The following BMAL1 variants were observed in gnomAD, a reference collection of about 807,000 sequenced individuals.
BMAL1 encodes basic helix-loop-helix ARNT-like protein 1.
At chr11:13,380,189 A>C in the BMAL1 span, 2 of 152,244 alleles carry the variant, frequency 1.3e-5, no homozygotes, top group African/African-American at 4.8e-5. Flanking sequence ...TTCCGTAAGC[A>C]ATTAGCAGCC....
chr11:13,277,097 G>T, the BMAL1 span: 11 of 152,296 alleles, frequency 7.2e-5, no homozygotes, highest in African/African-American at 2.7e-4. Context: ...AGTCCTCGGG[G>T]TGGAAATGCC....
At chr11:13,333,433 C>G in the BMAL1 span, among the ~76,000 whole-genome samples, 1 of 152,204 alleles carries the variant, frequency 6.6e-6, no homozygotes, top group Non-Finnish European at 1.5e-5. Flanking sequence ...CTGCCACCAC[C>G]AGATGTGGTT....
chr11:13,338,521 T>A, the BMAL1 span, among the ~76,000 whole-genome samples: 1 of 152,238 alleles, frequency 6.6e-6, no homozygotes, highest in Non-Finnish European at 1.5e-5. Context: ...ATTCATGTCC[T>A]TGTTACTGGT....
the BMAL1 span, among the ~76,000 whole-genome samples, chr11:13,303,123 A>G: frequency 3.9e-5 from 6 of 152,222 alleles, no homozygotes; most frequent in Admixed American, 2.6e-4. Context: ...TTACAGATAA[A>G]GAAAATGAGC....
chr11:13,381,349 G>C, the BMAL1 span: 1 of 1,185,260 alleles, frequency 8.4e-7, no homozygotes, highest in East Asian at 2.3e-5. Context: ...TGCGATTGCT[G>C]AAACAATTTG....
chr11:13,352,551 G>A, the BMAL1 span, among the ~76,000 whole-genome samples: 3 of 152,138 alleles, frequency 2.0e-5, no homozygotes, highest in East Asian at 1.9e-4. Context: ...AATTATTGTC[G>A]CTTTTCTGGA....
At chr11:13,284,885 C>T in the BMAL1 span, among the ~76,000 whole-genome samples, 1 of 152,122 alleles carries the variant, frequency 6.6e-6, no homozygotes, top group African/African-American at 2.4e-5. Flanking sequence ...TCCTGTTCCT[C>T]CTCCCCAGCC....
the BMAL1 span, chr11:13,365,320 C>A: frequency 4.2e-6 from 2 of 481,412 alleles, no homozygotes; most frequent in Non-Finnish European, 7.5e-6. Flanking sequence ...CACACACACA[C>A]AATCTTACAG....
chr11:13,369,574 C>A, the BMAL1 span: 6 of 1,610,296 alleles, frequency 3.7e-6, no homozygotes, highest in Admixed American at 1.7e-5. Flanking sequence ...TCCTGACAGA[C>A]AACACTGCTC....
At chr11:13,296,930 G>A in the BMAL1 span, among the ~76,000 whole-genome samples, 3 of 152,156 alleles carry the variant, frequency 2.0e-5, no homozygotes, top group East Asian at 5.8e-4. Context: ...CCTCCTGCCT[G>A]TGACAGTGTT....
chr11:13,368,983 C>CTT, the BMAL1 span, among the ~76,000 whole-genome samples: 1 of 152,188 alleles, frequency 6.6e-6, no homozygotes, highest in African/African-American at 2.4e-5. Flanking sequence ...GTATTTAACA[C>CTT]TTACAGCACA....
At chr11:13,349,232 C>T in the BMAL1 span, among the ~76,000 whole-genome samples, 18 of 152,232 alleles carry the variant, frequency 1.2e-4, no homozygotes, top group Admixed American at 5.9e-4. Context: ...CCGAGGAGCT[C>T]GCTTCAGCAG....
chr11:13,386,904 A>G, the BMAL1 span: 17 of 874,762 alleles, frequency 1.9e-5, no homozygotes, highest in African/African-American at 2.5e-4. Flanking sequence ...ATACAAGTCA[A>G]TCTTACTATA....
At chr11:13,369,579 C>G in the BMAL1 span, 9 of 1,612,042 alleles carry the variant, frequency 5.6e-6, no homozygotes, top group Non-Finnish European at 7.6e-6. Flanking sequence ...ACAGACAACA[C>G]TGCTCTCAGT....
the BMAL1 span, among the ~76,000 whole-genome samples, chr11:13,326,134 C>G: frequency 1.3e-5 from 2 of 150,892 alleles, no homozygotes; most frequent in African/African-American, 4.9e-5. Context: ...ACCCGGGAGG[C>G]AGAGGTTGCA....
chr11:13,340,519 C>T, the BMAL1 span, among the ~76,000 whole-genome samples: 1 of 152,148 alleles, frequency 6.6e-6, no homozygotes, highest in Non-Finnish European at 1.5e-5. Flanking sequence ...ACTCTTAAAA[C>T]TCTATTCACT....
chr11:13,373,398 T>C, the BMAL1 span, among the ~76,000 whole-genome samples: 4 of 152,234 alleles, frequency 2.6e-5, no homozygotes, highest in Non-Finnish European at 5.9e-5. Context: ...TCTTGTGGCC[T>C]CAGCTGCTGC....
the BMAL1 span, chr11:13,375,912 C>T: frequency 1.3e-6 from 1 of 750,908 alleles, no homozygotes; most frequent in South Asian, 2.9e-5. Flanking sequence ...CTGGCAGAAG[C>T]TAGAAAGGAT....
At chr11:13,355,157 TC>T in the BMAL1 span, 113 of 1,421,740 alleles carry the variant, frequency 7.9e-5, no homozygotes, top group Non-Finnish European at 1.0e-4. Context: ...TAAGAGGTTT[TC>T]TTTTGTTTAA....
Sources: allele counts gnomAD v4.1 joint callset (sites outside exome capture counted in the v4.1 genomes callset), GRCh38; gene constraint gnomAD v4.1.1; transcripts MANE v1.5; gene names NCBI Gene and HGNC (gene_info 2026-07-23, HGNC 2026-07-21).